NIBAN1: variants seen among roughly 807,000 people sequenced by gnomAD.
NIBAN1 encodes the protein protein Niban 1.
A neutral mutation model predicts 75.1 loss-of-function variants in NIBAN1; 81 were observed. The ratio of observed to expected loss-of-function variants is 1.08; its 90% CI spans 0.90 to 1.30. The LOEUF (loss-of-function observed/expected upper bound fraction) is 1.30. NIBAN1 is among the 50% of genes most tolerant of loss of function. The pLI, the probability that NIBAN1 is intolerant of heterozygous loss-of-function variation, is 0.00. For synonymous variants in NIBAN1, 436 were observed against 424.8 expected, an observed-to-expected ratio of 1.03 and a Z score of -0.32; for missense variants, 1,133 against 1,128.1, an observed-to-expected ratio of 1.00 and a Z score of -0.06.
At position 184,795,865 on chromosome 1, in the gene NIBAN1, C is replaced by A. The variant is rs115031353; in HGVS notation, c.1899G>T (p.Ser633=). 3 of 1,611,520 alleles carry A rather than the reference C, an allele frequency of 1.9e-6. No individual in the cohort carries two copies. Among genetic ancestry groups the A allele is most frequent in the Non-Finnish European group, 2.5e-6 (3 of 1,178,536 alleles). Residue 633 remains serine (S), a synonymous_variant, in exon 14 of 14, where the codon TCG becomes TCT. Transcript: ENST00000367511. ...GAGAAAGGCTTTCTCCTTTGGCCAACGAGCTAGGGACCTCAGGCTGCTTCT... is the reference window on the plus strand; with the variant it reads ...GAGAAAGGCTTTCTCCTTTGGCCAAAGAGCTAGGGACCTCAGGCTGCTTCT... ...EEEKQPEVPS[S]LAKGESLSLP...
At chr1:184,926,661 A>T (rs1233190766) in intron 1 of NIBAN1, among the ~76,000 whole-genome samples, 1 of 152,212 alleles carries the variant, frequency 6.6e-6, no homozygotes, top group Non-Finnish European at 1.5e-5. Context: ...CCTATAACCC[A>T]AGTTAGGTGT....
intron 1 of NIBAN1, among the ~76,000 whole-genome samples, chr1:184,918,774 T>C (rs771617401): frequency 2.6e-5 from 4 of 152,232 alleles, no homozygotes; most frequent in Non-Finnish European, 5.9e-5. Flanking sequence ...TTTATTTACA[T>C]GCCCTCTCTC....
At position 184,921,586 on chromosome 1, in the gene NIBAN1, A is replaced by G. The variant is rs144825483; in HGVS notation, c.56-22277T>C. ...AGTGGATAAGAAAGAAATTTTCTCC[A>G]AAGAAACAGTACAAAGTAATAGGCT... On this transcript the variant is annotated intron_variant, in intron 1 of 13. Transcript: ENST00000367511. Among the ~76,000 whole-genome samples the G allele has an allele frequency of 4.1e-3, 620 of 152,330 alleles. 3 individuals carry two copies. The highest frequency in any genetic ancestry group is 0.014 in the African/African-American group (596 of 41,582).
chr1:184,894,025 A>G (rs80086414), intron 3 of NIBAN1, 50 bp downstream of exon 3: 1 of 1,529,870 alleles, frequency 6.5e-7, no homozygotes, highest in African/African-American at 1.4e-5. Flanking sequence ...CAACCGAGCC[A>G]AACTTTTAAG....
intron 9 of NIBAN1, among the ~76,000 whole-genome samples, chr1:184,817,209 C>CT (rs1654562770): frequency 6.6e-6 from 1 of 152,142 alleles, no homozygotes; most frequent in Non-Finnish European, 1.5e-5. Flanking sequence ...TGAACTCATC[C>CT]TTTTTTATGG....
chr1:184,894,884 A>C (rs1656760401), intron 2 of NIBAN1, among the ~76,000 whole-genome samples: 1 of 152,188 alleles, frequency 6.6e-6, no homozygotes, highest in African/African-American at 2.4e-5. Context: ...TCCTAGTTAC[A>C]TCTTCCATTG....
At chr1:184,806,979 A>G (rs1046783060) in intron 10 of NIBAN1, among the ~76,000 whole-genome samples, 1 of 152,130 alleles carries the variant, frequency 6.6e-6, no homozygotes, top group Non-Finnish European at 1.5e-5. Context: ...CATGTTGGCC[A>G]GGCTGGTCTT....
At chr1:184,858,708 T>C (rs545004021) in intron 5 of NIBAN1, among the ~76,000 whole-genome samples, 36 of 152,228 alleles carry the variant, frequency 2.4e-4, no homozygotes, top group African/African-American at 7.9e-4. Flanking sequence ...CTCATAGAAA[T>C]AAGAACATGA....
In NIBAN1 at chr1:184,890,242, C is replaced by A. The variant is rs1656632941; in HGVS notation, c.319-20G>T. 3.9e-6 allele frequency: 6 copies of A among 1,550,698 alleles called. 1 individual carries two copies. Among genetic ancestry groups the A allele is most frequent in the South Asian group, 3.3e-5 (3 of 89,846 alleles). The stretch of plus-strand genomic sequence containing the variant: ...ATAGGCCTGGGGAGGGAAAGGCACA[C>A]AGGAATGATATCTTTTTCCCCATTT... On this transcript the variant is annotated intron_variant, in intron 3 of 13. Coordinates refer to ENST00000367511, the MANE Select transcript of NIBAN1 (RefSeq NM_052966.4).
intron 1 of NIBAN1, among the ~76,000 whole-genome samples, chr1:184,966,093 T>C (rs897611908): frequency 2.6e-5 from 4 of 152,140 alleles, no homozygotes; most frequent in African/African-American, 9.7e-5. Flanking sequence ...GAGGCAGACA[T>C]TATTATAAAA....
intron 5 of NIBAN1, among the ~76,000 whole-genome samples, chr1:184,839,325 C>G (rs1655219159): frequency 6.6e-6 from 1 of 152,094 alleles, no homozygotes. Context: ...TAGATTATCT[C>G]AAATAAGATC....
At chr1:184,828,718 G>A (rs1313669005) in intron 6 of NIBAN1, among the ~76,000 whole-genome samples, 1 of 152,094 alleles carries the variant, frequency 6.6e-6, no homozygotes, top group East Asian at 1.9e-4. Flanking sequence ...GTAGGGTGCT[G>A]GACAAATAAT....
intron 6 of NIBAN1, among the ~76,000 whole-genome samples, chr1:184,829,269 A>C (rs190776438): frequency 3.4e-4 from 52 of 152,114 alleles, no homozygotes; most frequent in African/African-American, 1.2e-3. Flanking sequence ...CTATATAGAG[A>C]CCCATATACA....
At chr1:184,943,098 T>G (rs1407575952) in intron 1 of NIBAN1, among the ~76,000 whole-genome samples, 1 of 152,208 alleles carries the variant, frequency 6.6e-6, no homozygotes, top group Non-Finnish European at 1.5e-5. Context: ...AAGCTTTGGA[T>G]ACCAGAAAAA....
At chr1:184,926,851 T>G (rs999335542) in intron 1 of NIBAN1, among the ~76,000 whole-genome samples, 1 of 152,192 alleles carries the variant, frequency 6.6e-6, no homozygotes, top group Non-Finnish European at 1.5e-5. Context: ...CATTCTTTTT[T>G]CTTTGATCTC....
rs549217997 is a variant in NIBAN1 at position 184,968,175 on chromosome 1, A to T, written c.55+6127T>A. 7.5e-4 allele frequency among the ~76,000 whole-genome samples: 95 copies of T among 126,920 alleles called. 28 individuals are homozygous for T. Among genetic ancestry groups the T allele is most frequent in the African/African-American group, 2.8e-3 (92 of 32,970 alleles). 83.3% of individuals were successfully genotyped at this position (126,920 alleles called of 152,430 possible). A position where few individuals can be genotyped will look rare whatever the true frequency, so the allele number is the denominator to read the frequency against. ...CCGAGATTGCGCCACTGCAGTCCGC[A>T]GTCCGGCCTGGGCGACAGAGCGAGA... On this transcript the variant is annotated intron_variant, in intron 1 of 13. Transcript: ENST00000367511.
At position 184,794,374 on chromosome 1, in the gene NIBAN1, C is replaced by T. The variant is rs562083391; in HGVS notation, c.*603G>A. The T allele has an allele frequency of 3.8e-5, 6 of 156,450 alleles. No individual in the cohort carries two copies. The highest frequency in any genetic ancestry group is 1.4e-4 in the African/African-American group (6 of 41,552). The allele number at this position is 156,450 out of a possible 1,614,324, so 9.7% of individuals were successfully genotyped here. On this transcript the variant is annotated 3_prime_UTR_variant, in exon 14 of 14. Transcript: ENST00000367511. ...GATGAGTAACAGGCCCAGACAGTCC[C>T]ACAGATCACACCTTCCACCCTCCAT...
chr1:184,966,647 A>C (rs1334560723), intron 1 of NIBAN1, among the ~76,000 whole-genome samples: 1 of 152,312 alleles, frequency 6.6e-6, no homozygotes, highest in South Asian at 2.1e-4. Flanking sequence ...TGACTAGTGA[A>C]GCTCTTTCTA....
chr1:184,906,570 C>T (rs114658303), intron 1 of NIBAN1, among the ~76,000 whole-genome samples: 7,779 of 152,128 alleles, frequency 0.051, 230 homozygotes, highest in Non-Finnish European at 0.062. Flanking sequence ...GCGGAGGTTG[C>T]GGTGAGCTGA....
Sources: allele counts gnomAD v4.1 joint callset (sites outside exome capture counted in the v4.1 genomes callset), GRCh38; gene constraint gnomAD v4.1.1; transcripts MANE v1.5; gene names NCBI Gene and HGNC (gene_info 2026-07-23, HGNC 2026-07-21).